Variants in PNPLA8 observed in about 807,000 individuals in gnomAD.
PNPLA8 encodes patatin like domain 8, phospholipase A2.
A neutral mutation model predicts 76.9 loss-of-function variants in PNPLA8; 39 were observed. The observed-to-expected ratio is 0.51, with a 90% confidence interval of 0.39 to 0.66. The LOEUF (loss-of-function observed/expected upper bound fraction) is 0.66, where lower values mean the gene tolerates loss of function less well. PNPLA8 is among the 30% of genes least tolerant of loss of function. The pLI is 0.00. For missense variants in PNPLA8, 887 were observed against 918.0 expected (o/e 0.97, Z 0.44); for synonymous variants, 301 against 307.9 (o/e 0.98, Z 0.24).
chr7:108,506,124 T>A (rs1354053967), intron 4 of PNPLA8, among the ~76,000 whole-genome samples: 1 of 152,176 alleles, frequency 6.6e-6, no homozygotes, highest in Non-Finnish European at 1.5e-5. Flanking sequence ...ACGGCTGTAA[T>A]CCCAATACTT....
At chr7:108,520,847 T>C (rs40886) in intron 2 of PNPLA8, among the ~76,000 whole-genome samples, 42,345 of 151,944 alleles carry the variant, frequency 0.28, 6,234 homozygotes, top group African/African-American at 0.32. Flanking sequence ...AAAATAATAC[T>C]TAAAAACATC....
chr7:108,516,778 G>A (rs188593748), intron 2 of PNPLA8, among the ~76,000 whole-genome samples: 34 of 152,052 alleles, frequency 2.2e-4, no homozygotes, highest in Admixed American at 7.2e-4. Context: ...GGTGCACGTC[G>A]GTAATCTCAG....
chr7:108,478,559 T>A (rs1860160832), intron 10 of PNPLA8, among the ~76,000 whole-genome samples: 1 of 151,990 alleles, frequency 6.6e-6, no homozygotes, highest in South Asian at 2.1e-4. Flanking sequence ...CCTGGCTAAT[T>A]TTTTGTATTT....
chr7:108,482,536 A>G (rs1201225114), intron 9 of PNPLA8, among the ~76,000 whole-genome samples: 2 of 152,194 alleles, frequency 1.3e-5, no homozygotes, highest in Non-Finnish European at 2.9e-5. Flanking sequence ...TATAAATTTT[A>G]GAATCTGACT....
intron 4 of PNPLA8, chr7:108,510,647 A>G: frequency 6.3e-7 from 1 of 1,582,520 alleles, no homozygotes; most frequent in Non-Finnish European, 8.6e-7. Context: ...AGAGCCATAT[A>G]TTGCATGGGG....
At chr7:108,495,184 C>T (rs777882291) in intron 7 of PNPLA8, among the ~76,000 whole-genome samples, 28 of 152,112 alleles carry the variant, frequency 1.8e-4, no homozygotes, top group African/African-American at 5.3e-4. Flanking sequence ...ACATGCATAT[C>T]CTCTGGCCCA....
chr7:108,490,248 T>C (rs1414113253), intron 8 of PNPLA8, among the ~76,000 whole-genome samples: 2 of 152,158 alleles, frequency 1.3e-5, no homozygotes, highest in Non-Finnish European at 2.9e-5. Context: ...TAGTAGGCTA[T>C]ACCATCTAAG....
At chr7:108,505,303 TATATATATATATATATA>T (rs1563967115) in intron 4 of PNPLA8, among the ~76,000 whole-genome samples, 2 of 3,044 alleles carry the variant, frequency 6.6e-4, no homozygotes, top group East Asian at 0.019. Flanking sequence ...AGAAAATTTA[TATATATATATATATATA>T]TATATATATA....
intron 9 of PNPLA8, among the ~76,000 whole-genome samples, chr7:108,485,983 T>G (rs1860711209): frequency 6.6e-6 from 1 of 152,076 alleles, no homozygotes; most frequent in Admixed American, 6.5e-5. Flanking sequence ...AAGAAGTTAT[T>G]TTAATCTGTG....
intron 2 of PNPLA8, among the ~76,000 whole-genome samples, chr7:108,519,552 G>T (rs1346093433): frequency 6.6e-6 from 1 of 152,156 alleles, no homozygotes; most frequent in African/African-American, 2.4e-5. Context: ...GAAGATAACA[G>T]CCTGAAGTAA....
At chr7:108,524,456 A>G (rs1012051534) in intron 1 of PNPLA8, among the ~76,000 whole-genome samples, 1 of 152,308 alleles carries the variant, frequency 6.6e-6, no homozygotes, top group African/African-American at 2.4e-5. Flanking sequence ...GAAAACCAAG[A>G]CAGGACCAAA....
chr7:108,515,359 T>C lies in PNPLA8; in HGVS notation c.133A>G (p.Ser45Gly), dbSNP rs1261274636. The change falls in exon 3 of 11, where the codon AGT becomes GGT. Residue 45 changes from serine to glycine, a missense_variant. Physicochemically the swap from Ser to Gly is moderately conservative, Grantham distance 56. Transcript: ENST00000257694. ...PKHYWRISHI[S>G]LQRGFHTNII... ...TTTGTATGAAAACCTCTTTGTAGAC[T>C]GATGTGGCTTATCCTCCAGTAATGC... 4 of 1,613,486 alleles carry C rather than the reference T, an allele frequency of 2.5e-6. No individual in the cohort carries two copies. The highest frequency in any genetic ancestry group is 3.4e-6 in the Non-Finnish European group (4 of 1,179,726).
intron 10 of PNPLA8, among the ~76,000 whole-genome samples, chr7:108,476,825 G>A (rs1860029244): frequency 6.6e-6 from 1 of 152,156 alleles, no homozygotes; most frequent in Non-Finnish European, 1.5e-5. Flanking sequence ...AGGAAATCCT[G>A]CCACTTGCGA....
intron 4 of PNPLA8, among the ~76,000 whole-genome samples, chr7:108,506,356 C>A (rs1286758618): frequency 6.6e-6 from 1 of 151,770 alleles, no homozygotes; most frequent in Non-Finnish European, 1.5e-5. Context: ...CCAGCCTGGA[C>A]AACAGAGCGA....
At chr7:108,489,100 ACTT>A (rs1361062502) in intron 8 of PNPLA8, among the ~76,000 whole-genome samples, 1 of 152,230 alleles carries the variant, frequency 6.6e-6, no homozygotes, top group Non-Finnish European at 1.5e-5. Flanking sequence ...ATGATGATTT[ACTT>A]CTTAAGATGG....
chr7:108,472,703 G>C (rs768679887), intron 10 of PNPLA8, 28 bp from the exon 11 acceptor site: 2 of 1,515,092 alleles, frequency 1.3e-6, no homozygotes, highest in Admixed American at 4.8e-5. Flanking sequence ...AAAAGGATAA[G>C]GGGATAAGAA....
Position 108,514,204 on chromosome 7 carries a change from C to G in PNPLA8, c.1146G>C (p.Arg382Ser), listed in dbSNP as rs890950489. 1 of 1,608,826 alleles carries G rather than the reference C, an allele frequency of 6.2e-7. No individual in the cohort carries two copies. The highest frequency in any genetic ancestry group is 8.5e-7 in the Non-Finnish European group (1 of 1,175,506). The change falls in exon 4 of 11, where the codon AGG becomes AGC. Residue 382 changes from arginine (R) to serine (S), a missense_variant. By Grantham distance (110) the Arg-to-Ser change is moderately radical (BLOSUM62 -1). Coordinates refer to ENST00000257694, the MANE Select transcript of PNPLA8 (RefSeq NM_001256007.3). ...RTTDPKLCIT[R>S]VEELTFHLLE... ...GAAGATGAAAAGTCAGTTCTTCAAC[C>G]CTAGTAATGCAGAGCTTTGGGTCAG...
chr7:108,475,488 T>C (rs879819252), intron 10 of PNPLA8, among the ~76,000 whole-genome samples: 25 of 152,172 alleles, frequency 1.6e-4, no homozygotes, highest in Admixed American at 8.5e-4. Flanking sequence ...ACAGGAATTG[T>C]ATTGAATCTA....
At chr7:108,524,262 T>C (rs958136263) in intron 1 of PNPLA8, among the ~76,000 whole-genome samples, 1 of 152,210 alleles carries the variant, frequency 6.6e-6, no homozygotes, top group African/African-American at 2.4e-5. Flanking sequence ...AAACTATATT[T>C]TCCATAATAT....
Sources: allele counts gnomAD v4.1 joint callset (sites outside exome capture counted in the v4.1 genomes callset), GRCh38; gene constraint gnomAD v4.1.1; transcripts MANE v1.5; gene names NCBI Gene and HGNC (gene_info 2026-07-23, HGNC 2026-07-21).